U2SURP: variants seen among roughly 807,000 people sequenced by gnomAD.
U2SURP encodes the protein U2 snRNP associated SURP domain containing, also known as U2 snRNP-associated SURP motif-containing protein.
U2SURP carries 9 observed loss-of-function variants against 144.9 expected under a neutral mutation model. That is an observed-to-expected ratio of 0.06 (90% confidence interval 0.04 to 0.11). U2SURP has a LOEUF of 0.11. Among genes scored for constraint, U2SURP ranks in the 10% least tolerant of loss-of-function variants. The pLI, the probability that U2SURP is intolerant of heterozygous loss-of-function variation, is 1.00. For missense variants in U2SURP, 724 were observed against 1,226.7 expected (o/e 0.59, Z 6.12); for synonymous variants, 408 against 396.8 (o/e 1.03, Z -0.33).
Position 143,058,874 on chromosome 3 carries a change from T to TA in U2SURP, c.*2425dup, listed in dbSNP as rs1935264120. 2 of 151,888 alleles carry TA rather than the reference T, an allele frequency of 1.3e-5. No homozygotes were observed. Among genetic ancestry groups the TA allele is most frequent in the Admixed American group, 6.6e-5 (1 of 15,234 alleles). The allele number at this position is 151,888 out of a possible 1,614,324, so 9.4% of individuals were successfully genotyped here. A position where few individuals can be genotyped will look rare whatever the true frequency, so the allele number is the denominator to read the frequency against. On this transcript the variant is annotated 3_prime_UTR_variant, in exon 28 of 28. Transcript: ENST00000473835. ...AGATCATGTTCTATCTGTGGACACT[T>TA]ACTGTCCTCTACCACAGCTACGTGC...
At chr3:143,012,612 T>C (rs1362274781) in intron 3 of U2SURP, among the ~76,000 whole-genome samples, 1 of 152,178 alleles carries the variant, frequency 6.6e-6, no homozygotes, top group East Asian at 1.9e-4. Context: ...TTTAAAATGG[T>C]TAATTGTCAA....
chr3:143,015,460 G>C (rs1163562971), intron 4 of U2SURP, among the ~76,000 whole-genome samples: 1 of 151,856 alleles, frequency 6.6e-6, no homozygotes, highest in Non-Finnish European at 1.5e-5. Flanking sequence ...AGCTTATAAA[G>C]AAATTTCCTC....
At position 143,059,144 on chromosome 3, in the gene U2SURP, C is replaced by T. The variant is rs1275960706; in HGVS notation, c.*2694C>T. 1.3e-5 allele frequency: 2 copies of T among 152,266 alleles called. No individual in the cohort carries two copies. The highest frequency in any genetic ancestry group is 2.9e-5 in the Non-Finnish European group (2 of 67,814). 9.4% of individuals were successfully genotyped at this position (152,266 alleles called of 1,614,324 possible). A position where few individuals can be genotyped will look rare whatever the true frequency, so the allele number is the denominator to read the frequency against. ...ATAGTTCCTTATTACAGATAGTAAG[C>T]ATATGGGAATTTCTGAGCTATAACA... On this transcript the variant is annotated 3_prime_UTR_variant, in exon 28 of 28. Coordinates refer to ENST00000473835, the MANE Select transcript of U2SURP (RefSeq NM_001080415.2).
chr3:143,053,301 G>A (rs1050653018), intron 25 of U2SURP, among the ~76,000 whole-genome samples: 1 of 152,224 alleles, frequency 6.6e-6, no homozygotes. Context: ...ACTCTCCTGT[G>A]TGACCATGCA....
At chr3:143,053,894 T>C in intron 26 of U2SURP, 100 bp downstream of exon 26, 1 of 1,038,748 alleles carries the variant, frequency 9.6e-7, no homozygotes, top group Non-Finnish European at 1.4e-6. Context: ...TGGAAGTGTT[T>C]GTTCATGATA....
chr3:143,043,122 A>G lies in U2SURP; in HGVS notation c.2390A>G (p.Glu797Gly). 6.2e-7 allele frequency: 1 copy of G among 1,602,462 alleles called. No individual in the cohort carries two copies. The highest frequency in any genetic ancestry group is 8.5e-7 in the Non-Finnish European group (1 of 1,174,812). ...TATTCTGCTTGTTTCTAAAGTCAAG[A>G]AGAAGAAAGTGAAGATGAAGAAGAT... ...ESEEEENQNQ[E>G]EESEDEEDTQ... The change falls in exon 24 of 28, where the codon GAA (glutamate) becomes GGA (glycine). Residue 797 changes from glutamate to glycine, a missense_variant. Glu to Gly is a moderately conservative substitution (Grantham distance 98). Transcript: ENST00000473835.
chr3:143,035,394 A>T (rs4683723), intron 19 of U2SURP, among the ~76,000 whole-genome samples: 91,060 of 151,990 alleles, frequency 0.6, 27,536 homozygotes, highest in East Asian at 0.7. Context: ...TTCACTTATA[A>T]TTGAATAAGT....
rs770208372 is a variant in U2SURP, at chr3:143,016,846, A to T, written c.441A>T (p.Glu147Asp). 2 of 1,550,442 alleles carry T rather than the reference A, an allele frequency of 1.3e-6. No individual in the cohort carries two copies. Among genetic ancestry groups the T allele is most frequent in the Admixed American group, 4.5e-5 (2 of 44,368 alleles). The change falls in exon 6 of 28, where the codon GAA (glutamate) becomes GAT (aspartate). Residue 147 changes from glutamate to aspartate, a missense_variant. Glu to Asp is a conservative substitution (Grantham distance 45, BLOSUM62 2). Around this residue, in one of 13 missense-constraint regions of U2SURP, gnomAD observed 115 missense variants for 258.1 expected, o/e 0.45. Coordinates refer to ENST00000473835, the MANE Select transcript of U2SURP (RefSeq NM_001080415.2). ...RGGVVNAAKE[E>D]HETDEKRGKI... is the part of the protein sequence containing the mutation. ...ACTTAGTATTTTAAATTTCAGAAGA[A>T]CATGAAACAGATGAAAAAAGAGGTA...
chr3:143,049,027 G>A (rs1382690757), intron 24 of U2SURP, among the ~76,000 whole-genome samples: 1 of 151,504 alleles, frequency 6.6e-6, no homozygotes, highest in Non-Finnish European at 1.5e-5. Context: ...GGCCAAGCTG[G>A]GTGTATCACC....
chr3:143,046,822 T>G, intron 24 of U2SURP, among the ~76,000 whole-genome samples: 1 of 130,590 alleles, frequency 7.7e-6, no homozygotes. Flanking sequence ...CCGTTCTCAA[T>G]GAGCTGTTGG....
At position 143,016,245 on chromosome 3, in the gene U2SURP, A is replaced by G. The variant is rs769014819; in HGVS notation, c.322-12A>G. 1.0e-5 allele frequency: 16 copies of G among 1,607,972 alleles called. No homozygotes were observed. In the South Asian group the frequency reaches 1.3e-4, roughly 13 times the overall value. ...TGTATTGTGTAATATTAATATTTTC[A>G]TGTGTATTTAGGAGGATGAAAAGGC... On this transcript the variant is annotated splice_polypyrimidine_tract_variant and intron_variant, in intron 4 of 27. Transcript: ENST00000473835.
At chr3:143,010,724 T>G in intron 1 of U2SURP, 91 bp from the exon 2 acceptor site, 1 of 957,748 alleles carries the variant, frequency 1.0e-6, no homozygotes, top group African/African-American at 1.7e-5. Flanking sequence ...TGCCAGAAGT[T>G]AGGAAACTCT....
At chr3:143,046,301 T>A (rs112952393) in intron 24 of U2SURP, among the ~76,000 whole-genome samples, 33 of 134,390 alleles carry the variant, frequency 2.5e-4, no homozygotes, top group Admixed American at 7.7e-4. Flanking sequence ...TTTTTTATTT[T>A]TTTTTATTTT....
intron 25 of U2SURP, among the ~76,000 whole-genome samples, chr3:143,052,953 T>TTG (rs1306888196): frequency 9.3e-4 from 140 of 150,910 alleles, no homozygotes; most frequent in African/African-American, 3.2e-3. Context: ...TGTGTTGGTT[T>TTG]TTTTTTTTTT....
intron 16 of U2SURP, 46 bp downstream of exon 16, chr3:143,028,692 A>AC: frequency 1.3e-6 from 2 of 1,488,994 alleles, no homozygotes; most frequent in Non-Finnish European, 1.8e-6. Context: ...AAGTAACTGT[A>AC]ATGGTTGCTT....
In U2SURP at chr3:143,020,605, A is replaced by G; in HGVS notation, c.645A>G (p.Gln215=). The part of the protein sequence containing the change: ...ELFKEELKQI[Q]EERDERHKTK... ...TTGTAAATATTTTCAACAGAATTCA[A>G]GAGGAACGTGATGAGAGACATAAAA... is the stretch of plus-strand genomic sequence containing the variant. The change falls in exon 8 of 28, where the codon CAA becomes CAG. Residue 215 remains glutamine (Q), a synonymous_variant. Coordinates refer to ENST00000473835, the MANE Select transcript of U2SURP (RefSeq NM_001080415.2). 1.2e-6 allele frequency: 2 copies of G among 1,609,770 alleles called. No homozygotes were observed. The highest frequency in any genetic ancestry group is 1.7e-4 in the Middle Eastern group (1 of 6,058).
intron 24 of U2SURP, 84 bp from the exon 25 acceptor site, chr3:143,050,855 A>G: frequency 4.6e-6 from 4 of 864,550 alleles, no homozygotes; most frequent in South Asian, 3.3e-5. Flanking sequence ...ATTAGTTACT[A>G]CTTTGCTATA....
chr3:143,031,398 G>GCCACCCCAACCTTCAGCTACCA (rs1405583659), intron 16 of U2SURP, among the ~76,000 whole-genome samples: 158 of 52,146 alleles, frequency 3.0e-3, no homozygotes, highest in African/African-American at 0.015. Context: ...AATTGCTGCA[G>GCCACCCCAACCTTCAGCTACCA]CCACCCCAAC....
intron 8 of U2SURP, 120 bp from the exon 9 acceptor site, chr3:143,021,230 T>C: frequency 4.7e-6 from 5 of 1,070,064 alleles, no homozygotes; most frequent in Non-Finnish European, 6.8e-6. Flanking sequence ...TGTGAAGTGG[T>C]CTCTCTTTTT....
Sources: gnomAD v4.1 joint callset for allele counts (sites outside exome capture counted in the v4.1 genomes callset) on GRCh38, gnomAD v4.1.1 for gene constraint, gnomAD v4.1.1 regional missense constraint, MANE v1.5 for transcripts, NCBI Gene and HGNC (gene_info 2026-07-23, HGNC 2026-07-21) for gene names.